ANKRD36C: variants seen among roughly 807,000 people sequenced by gnomAD.
ANKRD36C encodes the protein ankyrin repeat domain 36C.
A neutral mutation model predicts 276.4 loss-of-function variants in ANKRD36C; 61 were observed. The observed-to-expected ratio is 0.22, with a 90% CI of 0.18 to 0.27. The LOEUF (loss-of-function observed/expected upper bound fraction) is 0.27, where lower values mean the gene tolerates loss of function less well. Among genes scored for constraint, ANKRD36C ranks in the 10% least tolerant of loss-of-function variants. The probability of loss-of-function intolerance (pLI) is 1.00; values close to 1 mark genes in which losing one functional copy is unlikely to be tolerated. For missense variants in ANKRD36C, 1,447 were observed against 2,032.3 expected, an observed-to-expected ratio of 0.71 and a Z score of 5.54; for synonymous variants, 483 against 680.1, an observed-to-expected ratio of 0.71 and a Z score of 4.51.
Position 95,917,770 on chromosome 2 carries a change from A to G in ANKRD36C, c.2347+85T>C, listed in dbSNP as rs548170267. 35 of 1,496,632 alleles carry G rather than the reference A, an allele frequency of 2.3e-5. No individual in the cohort carries two copies. In the South Asian group the frequency reaches 2.4e-4, roughly 10 times the overall value. The allele number at this position is 1,496,632 out of a possible 1,614,324, so 92.7% of individuals were successfully genotyped here. A position where few individuals can be genotyped will look rare whatever the true frequency, so the allele number is the denominator to read the frequency against. ...TGTGCAGCTTTGGCGAGCACCCCCA[A>G]CCGCCCTCCGCTGATTTATTCAGGG... On this transcript the variant is annotated intron_variant, in intron 36 of 66. Coordinates refer to ENST00000456556, the Ensembl canonical transcript of ANKRD36C.
intron 38 of ANKRD36C, among the ~76,000 whole-genome samples, chr2:95,914,708 T>C (rs1392304409): frequency 6.6e-6 from 1 of 151,472 alleles, no homozygotes; most frequent in African/African-American, 2.4e-5. Context: ...TTTACACCAT[T>C]ATACTACAAA....
chr2:95,914,109 T>C, exon 40 of ANKRD36C: 3 of 1,564,308 alleles, frequency 1.9e-6, no homozygotes, highest in Non-Finnish European at 2.6e-6. Context: ...CAAAATTACC[T>C]CTCCTAGTTT....
At position 95,919,659 on chromosome 2, in the gene ANKRD36C, G is replaced by A. The variant is rs1300471985; in HGVS notation, c.2246-1617C>T. 6.3e-5 allele frequency: 15 copies of A among 236,296 alleles called. 2 individuals carry two copies. The highest frequency in any genetic ancestry group is 1.6e-4 in the South Asian group (1 of 6,100). The allele number at this position is 236,296 out of a possible 1,614,324, so 14.6% of individuals were successfully genotyped here. On this transcript the variant is annotated intron_variant, in intron 34 of 66. Transcript: ENST00000456556. ...CGGCGACTCCCCCCACCCACCCTCC[G>A]CTGATTTATTCGGGATAGAGAAGTT... is the stretch of plus-strand genomic sequence containing the variant.
At chr2:95,913,918 A>G (rs1677009776) in intron 40 of ANKRD36C, among the ~76,000 whole-genome samples, 190 bp downstream of exon 42, 1 of 151,460 alleles carries the variant, frequency 6.6e-6, no homozygotes, top group African/African-American at 2.4e-5. Context: ...GAAATGTATA[A>G]TCTTACAGCG....
At chr2:95,893,997 T>C (rs1676457280) in intron 44 of ANKRD36C, among the ~76,000 whole-genome samples, 1 of 151,492 alleles carries the variant, frequency 6.6e-6, no homozygotes, top group Admixed American at 6.6e-5. Flanking sequence ...TCAATGTGCA[T>C]AGGCCGAGTG....
intron 42 of ANKRD36C, among the ~76,000 whole-genome samples, chr2:95,907,756 G>C (rs1676785413): frequency 6.7e-6 from 1 of 149,382 alleles, no homozygotes; most frequent in Non-Finnish European, 1.5e-5. Context: ...CTTGAACAAG[G>C]AAACAAATTT....
chr2:95,871,756 T>C (rs1391758900), intron 59 of ANKRD36C, among the ~76,000 whole-genome samples: 3 of 152,158 alleles, frequency 2.0e-5, no homozygotes, highest in African/African-American at 2.4e-5. Context: ...ATCAGTGTGC[T>C]GTATTCAGGA....
At chr2:95,962,860 A>T (rs551430348) in intron 6 of ANKRD36C, among the ~76,000 whole-genome samples, 4 of 152,168 alleles carry the variant, frequency 2.6e-5, no homozygotes, top group South Asian at 2.1e-4. Context: ...CTAAAAACAG[A>T]GGAGCAACTC....
chr2:95,890,783 G>T (rs1286694544), intron 46 of ANKRD36C, among the ~76,000 whole-genome samples: 1 of 151,496 alleles, frequency 6.6e-6, no homozygotes, highest in African/African-American at 2.4e-5. Context: ...AATATTCATT[G>T]AAAATGACCA....
intron 13 of ANKRD36C, among the ~76,000 whole-genome samples, chr2:95,955,512 C>T (rs974394344): frequency 2.4e-4 from 36 of 151,634 alleles, no homozygotes; most frequent in Non-Finnish European, 4.7e-4. Flanking sequence ...TCATTTCTAT[C>T]AAACTAAGAG....
At chr2:95,923,419 C>G (rs993276461) in intron 32 of ANKRD36C, 76 bp downstream of exon 32, 1 of 1,543,354 alleles carries the variant, frequency 6.5e-7, no homozygotes, top group Admixed American at 1.9e-5. Context: ...ATGAGCCCCC[C>G]GCTGATTTAT....
intron 17 of ANKRD36C, among the ~76,000 whole-genome samples, chr2:95,946,181 A>G (rs941538446): frequency 1.1e-4 from 16 of 150,300 alleles, no homozygotes; most frequent in African/African-American, 3.2e-4. Context: ...AAAAAAAACA[A>G]TAAAATTCCA....
chr2:95,906,875 T>A (rs1365790366), intron 42 of ANKRD36C, 53 bp from the exon 49 acceptor site: 6 of 115,870 alleles, frequency 5.2e-5, no homozygotes, highest in South Asian at 2.4e-4. Context: ...GATAAAGTTA[T>A]CCATACATTC....
intron 17 of ANKRD36C, among the ~76,000 whole-genome samples, chr2:95,946,587 TG>T (rs1215234498): frequency 6.9e-6 from 1 of 145,800 alleles, no homozygotes; most frequent in Non-Finnish European, 1.5e-5. Flanking sequence ...TAAATCATGC[TG>T]CTATAAAGAC....
chr2:95,989,903 C>T (rs947304776), intron 1 of ANKRD36C, among the ~76,000 whole-genome samples: 2 of 151,502 alleles, frequency 1.3e-5, no homozygotes, highest in African/African-American at 4.8e-5. Flanking sequence ...GCTTGAATAT[C>T]TGAAAAAAAA....
At chr2:95,975,935 A>G (rs1173497998) in intron 6 of ANKRD36C, among the ~76,000 whole-genome samples, 1 of 152,206 alleles carries the variant, frequency 6.6e-6, no homozygotes, top group East Asian at 1.9e-4. Context: ...TTACAAGAAA[A>G]AAACAAACAA....
chr2:95,858,513 A>G (rs1675479748), intron 61 of ANKRD36C, among the ~76,000 whole-genome samples: 1 of 152,228 alleles, frequency 6.6e-6, no homozygotes, highest in Admixed American at 6.5e-5. Context: ...CAGTAAAGTT[A>G]CAAGATAAAA....
In ANKRD36C at chr2:95,867,715, G is replaced by A. The variant is rs894164291; in HGVS notation, c.3541-134C>T. On this transcript the variant is annotated intron_variant, in intron 59 of 66. Coordinates refer to ENST00000456556, the Ensembl canonical transcript of ANKRD36C. ...TACCTGTTCTGTACTTTTTTTTTAA[G>A]CAATTTCCTTTATGTTGACTCTAGT... 5 of 1,331,664 alleles carry A rather than the reference G, an allele frequency of 3.8e-6. No individual in the cohort carries two copies. In the African/African-American group the frequency reaches 7.4e-5, roughly 20 times the overall value. 82.5% of individuals were successfully genotyped at this position (1,331,664 alleles called of 1,614,324 possible).
At chr2:95,902,554 A>C (rs1386029417) in intron 42 of ANKRD36C, among the ~76,000 whole-genome samples, 1 of 150,286 alleles carries the variant, frequency 6.7e-6, no homozygotes, top group Non-Finnish European at 1.5e-5. Flanking sequence ...TGTAAATTCT[A>C]TACTTCCTCT....
Sources: allele counts gnomAD v4.1 joint callset (sites outside exome capture counted in the v4.1 genomes callset), GRCh38; gene constraint gnomAD v4.1.1; transcripts MANE v1.5; gene names NCBI Gene and HGNC (gene_info 2026-07-23, HGNC 2026-07-21).